CNTN4: variants seen among roughly 807,000 people sequenced by gnomAD.
CNTN4 encodes contactin 4.
Under a neutral mutation model 122.5 loss-of-function variants are expected in CNTN4, and 77 were observed. That is an observed-to-expected ratio of 0.63 (90% confidence interval 0.52 to 0.76). The LOEUF is 0.76. Ranked by LOEUF, CNTN4 falls within the 30% of genes least tolerant of loss-of-function variation. The pLI is 0.00. For missense variants in CNTN4, 1,256 were observed against 1,259.1 expected, an observed-to-expected ratio of 1.00 and a Z score of 0.04; for synonymous variants, 512 against 447.0, an observed-to-expected ratio of 1.15 and a Z score of -1.83.
chr3:2,100,210 C>T (rs548949231), intron 1 of CNTN4, among the ~76,000 whole-genome samples: 3 of 152,098 alleles, frequency 2.0e-5, no homozygotes, highest in Admixed American at 6.5e-5. Context: ...AAAGGAATGT[C>T]GTGGAACTTT....
chr3:2,210,044 T>C (rs956395364), intron 2 of CNTN4, among the ~76,000 whole-genome samples: 2 of 152,146 alleles, frequency 1.3e-5, no homozygotes, highest in African/African-American at 4.8e-5. Context: ...ATCTCTACTT[T>C]CAGTGTCTTA....
chr3:2,964,792 G>A (rs1439918647), intron 13 of CNTN4, among the ~76,000 whole-genome samples: 2 of 152,164 alleles, frequency 1.3e-5, no homozygotes, highest in African/African-American at 2.4e-5. Context: ...GGAAACTGAA[G>A]TTGAGAAAAC....
intron 3 of CNTN4, among the ~76,000 whole-genome samples, chr3:2,435,911 C>T (rs545661468): frequency 2.0e-5 from 3 of 152,252 alleles, no homozygotes; most frequent in East Asian, 3.9e-4. Flanking sequence ...TTCTGGTTGT[C>T]GACTTAAACT....
chr3:2,604,410 T>A (rs1183706325), intron 4 of CNTN4, among the ~76,000 whole-genome samples: 1 of 152,190 alleles, frequency 6.6e-6, no homozygotes, highest in African/African-American at 2.4e-5. Context: ...TTTGGAGACG[T>A]TGCAGAAAAC....
intron 2 of CNTN4, among the ~76,000 whole-genome samples, chr3:2,287,760 GAAGAAGAAGAAGA>G (rs2041991660): frequency 2.7e-5 from 4 of 146,196 alleles, no homozygotes; most frequent in Admixed American, 6.7e-5. Context: ...AGAAGAAGAA[GAAGAAGAAGAAGA>G]AGAAGGAGAA....
intron 2 of CNTN4, among the ~76,000 whole-genome samples, chr3:2,127,233 C>T (rs1458892078): frequency 6.6e-6 from 1 of 152,092 alleles, no homozygotes; most frequent in African/African-American, 2.4e-5. Flanking sequence ...ATCACAGCCC[C>T]AATGTGCTGT....
Position 2,759,696 on chromosome 3 carries a change from C to T in CNTN4, c.358+13999C>T, listed in dbSNP as rs2090499101. 2.1e-5 allele frequency among the ~76,000 whole-genome samples: 3 copies of T among 145,464 alleles called. No individual in the cohort carries two copies. The South Asian group carries it at 6.7e-4, about 32-fold the overall frequency. Reference sequence around the variant, plus strand: ...TGTTTAACATACAGTAACTGGGCAACAGAGGAGACTCTGTCTCAAAAAAAA... The same window carrying T: ...TGTTTAACATACAGTAACTGGGCAATAGAGGAGACTCTGTCTCAAAAAAAA... On this transcript the variant is annotated intron_variant, in intron 6 of 24. Transcript: ENST00000418658.
intron 3 of CNTN4, among the ~76,000 whole-genome samples, chr3:2,371,887 C>T (rs914729775): frequency 1.6e-4 from 25 of 152,128 alleles, no homozygotes; most frequent in Admixed American, 1.4e-3. Flanking sequence ...AAATAATCAG[C>T]GCATGTAGTT....
At chr3:2,237,323 C>T (rs1418605282) in intron 2 of CNTN4, among the ~76,000 whole-genome samples, 1 of 151,960 alleles carries the variant, frequency 6.6e-6, no homozygotes, top group Non-Finnish European at 1.5e-5. Context: ...GAAAGGTTTA[C>T]TGTAAGCTGG....
chr3:2,642,100 A>G (rs1380148505), intron 4 of CNTN4, among the ~76,000 whole-genome samples: 1 of 152,222 alleles, frequency 6.6e-6, no homozygotes, highest in African/African-American at 2.4e-5. Flanking sequence ...GCTGTCTGCA[A>G]GCTGCGGAGC....
intron 2 of CNTN4, among the ~76,000 whole-genome samples, chr3:2,265,551 TC>T (rs572554997): frequency 6.6e-6 from 1 of 152,212 alleles, no homozygotes; most frequent in South Asian, 2.1e-4. Flanking sequence ...TTATTCAAGG[TC>T]TTTTGCGATT....
At position 2,238,863 on chromosome 3, in the gene CNTN4, G is replaced by T. The variant is rs112283139; in HGVS notation, c.-144-100315G>T. Reference sequence around the variant, plus strand: ...CCGCCTCAGCCTCCCGAGTAGCTGGGACTACAGGCGCCGCCACCACGCCTG... The same window carrying T: ...CCGCCTCAGCCTCCCGAGTAGCTGGTACTACAGGCGCCGCCACCACGCCTG... On this transcript the variant is annotated intron_variant, in intron 2 of 24. Transcript: ENST00000418658. 11 of 68,384 alleles carry T rather than the reference G, an allele frequency of 1.6e-4. 3 individuals carry two copies. In the Admixed American group the frequency reaches 2.0e-3, roughly 13 times the overall value. 4.2% of individuals were successfully genotyped at this position (68,384 alleles called of 1,614,324 possible).
chr3:2,815,973 A>G (rs960895499), intron 6 of CNTN4, among the ~76,000 whole-genome samples: 1 of 151,802 alleles, frequency 6.6e-6, no homozygotes, highest in Non-Finnish European at 1.5e-5. Flanking sequence ...TATTATTCTA[A>G]GTGAAGTAAC....
intron 3 of CNTN4, among the ~76,000 whole-genome samples, chr3:2,436,872 G>C (rs2048276192): frequency 6.7e-6 from 1 of 148,604 alleles, no homozygotes; most frequent in African/African-American, 2.5e-5. Flanking sequence ...TTTATAAATA[G>C]ATATGGAGGT....
chr3:2,295,943 C>T (rs1239452197), intron 2 of CNTN4, among the ~76,000 whole-genome samples: 1 of 152,048 alleles, frequency 6.6e-6, no homozygotes, highest in Non-Finnish European at 1.5e-5. Flanking sequence ...GAATCCTTTC[C>T]GCATTTCTTG....
At chr3:2,948,564 C>CA (rs1188090478) in intron 13 of CNTN4, among the ~76,000 whole-genome samples, 3 of 152,136 alleles carry the variant, frequency 2.0e-5, no homozygotes, top group Non-Finnish European at 4.4e-5. Flanking sequence ...CTTTGAAATC[C>CA]AAAAAGCTCT....
chr3:2,937,139 GT>G (rs2094573878), intron 13 of CNTN4, among the ~76,000 whole-genome samples: 1 of 152,124 alleles, frequency 6.6e-6, no homozygotes, highest in African/African-American at 2.4e-5. Flanking sequence ...TTTGTTTTTG[GT>G]TTGCTGTGCC....
intron 3 of CNTN4, among the ~76,000 whole-genome samples, chr3:2,520,574 C>G (rs2077177305): frequency 6.6e-6 from 1 of 151,860 alleles, no homozygotes; most frequent in Non-Finnish European, 1.5e-5. Context: ...ACATCCAGCC[C>G]TTTTTTCCTT....
intron 3 of CNTN4, among the ~76,000 whole-genome samples, chr3:2,520,600 T>G (rs71309902): frequency 0.13 from 19,162 of 152,038 alleles, 1,577 homozygotes; most frequent in Middle Eastern, 0.19. Context: ...AAAAAACTTT[T>G]GATACTCACT....
Sources: allele counts gnomAD v4.1 joint callset (sites outside exome capture counted in the v4.1 genomes callset), GRCh38; gene constraint gnomAD v4.1.1; transcripts MANE v1.5; gene names NCBI Gene and HGNC (gene_info 2026-07-23, HGNC 2026-07-21).